DIAPH3: variants seen among roughly 807,000 people sequenced by gnomAD.
DIAPH3 encodes diaphanous related formin 3.
DIAPH3 carries 117 observed loss-of-function variants against 144.3 expected under a neutral mutation model. The observed-to-expected ratio is 0.81, with a 90% CI of 0.70 to 0.95. The LOEUF (loss-of-function observed/expected upper bound fraction) is 0.95. Among genes scored for constraint, DIAPH3 ranks in the 40% least tolerant of loss-of-function variants. The pLI is 0.00. For synonymous variants in DIAPH3, 519 were observed against 488.9 expected (o/e 1.06, Z -0.81); for missense variants, 1,421 against 1,412.7 (o/e 1.01, Z -0.09).
At chr13:59,711,747 G>A (rs147061218) in intron 27 of DIAPH3, among the ~76,000 whole-genome samples, 9 of 152,278 alleles carry the variant, frequency 5.9e-5, no homozygotes, top group African/African-American at 2.2e-4. Context: ...GGGAAAGCCA[G>A]AATTCAGATC....
intron 27 of DIAPH3, among the ~76,000 whole-genome samples, chr13:59,692,181 T>G (rs1365252576): frequency 6.8e-6 from 1 of 147,592 alleles, no homozygotes; most frequent in Non-Finnish European, 1.5e-5. Context: ...GAATACAAAC[T>G]TTTACTCTTG....
intron 17 of DIAPH3, among the ~76,000 whole-genome samples, chr13:59,941,176 G>A (rs971668949): frequency 6.6e-6 from 1 of 151,834 alleles, no homozygotes; most frequent in Non-Finnish European, 1.5e-5. Context: ...TTACTTACAG[G>A]AAAAAAAATT....
chr13:60,115,621 C>A (rs1416318814), intron 2 of DIAPH3, among the ~76,000 whole-genome samples: 2 of 152,042 alleles, frequency 1.3e-5, no homozygotes, highest in South Asian at 4.1e-4. Flanking sequence ...GCAAACGGCA[C>A]CATCTTTAGT....
intron 1 of DIAPH3, among the ~76,000 whole-genome samples, chr13:60,148,241 T>C (rs183101254): frequency 6.6e-6 from 1 of 152,292 alleles, no homozygotes; most frequent in East Asian, 1.9e-4. Flanking sequence ...AAAATAAGGT[T>C]GAATATTTTG....
chr13:59,686,965 G>A (rs561544139), intron 27 of DIAPH3, among the ~76,000 whole-genome samples: 1 of 152,158 alleles, frequency 6.6e-6, no homozygotes, highest in African/African-American at 2.4e-5. Context: ...AGGTGCTAGG[G>A]GTTCATGTAA....
chr13:59,895,085 G>A (rs2046011842), intron 20 of DIAPH3, among the ~76,000 whole-genome samples: 1 of 152,044 alleles, frequency 6.6e-6, no homozygotes. Flanking sequence ...ACTAAGTTTT[G>A]ACTATTTAAT....
At chr13:60,162,047 A>G (rs751918799) in intron 1 of DIAPH3, among the ~76,000 whole-genome samples, 3 of 152,190 alleles carry the variant, frequency 2.0e-5, no homozygotes, top group African/African-American at 7.2e-5. Flanking sequence ...CCAGACTCCC[A>G]CCCAAAAACA....
intron 27 of DIAPH3, among the ~76,000 whole-genome samples, chr13:59,702,269 T>C (rs756517767): frequency 6.6e-6 from 1 of 152,140 alleles, no homozygotes; most frequent in Non-Finnish European, 1.5e-5. Flanking sequence ...GCCTTCTCAT[T>C]ACCTAACTTA....
chr13:59,756,409 AAAGG>A (rs762777029), intron 27 of DIAPH3, among the ~76,000 whole-genome samples: 2,354 of 137,604 alleles, frequency 0.017, 39 homozygotes, highest in African/African-American at 0.036. Flanking sequence ...AATTTAGTAA[AAAGG>A]AAGGAAGGAA....
intron 2 of DIAPH3, among the ~76,000 whole-genome samples, chr13:60,115,162 T>C (rs1414172854): frequency 6.6e-6 from 1 of 152,202 alleles, no homozygotes; most frequent in Non-Finnish European, 1.5e-5. Flanking sequence ...TATAACAAGA[T>C]GAATTGTCTG....
chr13:60,101,267 C>G (rs2058260013), intron 3 of DIAPH3, among the ~76,000 whole-genome samples: 1 of 152,106 alleles, frequency 6.6e-6, no homozygotes, highest in African/African-American at 2.4e-5. Flanking sequence ...TCTATCTCAT[C>G]TCCCTCATTC....
chr13:59,694,657 C>T (rs2033704589), intron 27 of DIAPH3, among the ~76,000 whole-genome samples: 3 of 151,984 alleles, frequency 2.0e-5, no homozygotes, highest in African/African-American at 4.8e-5. Context: ...TCTTAGTGAA[C>T]ATATGACTTT....
At chr13:59,734,216 T>A (rs2036027382) in intron 27 of DIAPH3, among the ~76,000 whole-genome samples, 1 of 152,186 alleles carries the variant, frequency 6.6e-6, no homozygotes, top group Admixed American at 6.5e-5. Flanking sequence ...TAAACTCATG[T>A]TCCCATCAAA....
At chr13:59,733,228 G>C (rs891730484) in intron 27 of DIAPH3, among the ~76,000 whole-genome samples, 4 of 152,090 alleles carry the variant, frequency 2.6e-5, no homozygotes, top group African/African-American at 9.7e-5. Context: ...CTATTAAAAA[G>C]TGTTTAACAG....
At chr13:59,863,882 T>A (rs1349491114) in intron 21 of DIAPH3, among the ~76,000 whole-genome samples, 1 of 152,150 alleles carries the variant, frequency 6.6e-6, no homozygotes, top group Non-Finnish European at 1.5e-5. Context: ...TTAAAACATG[T>A]CCTTGACTAA....
intron 17 of DIAPH3, among the ~76,000 whole-genome samples, chr13:59,946,305 C>A (rs2048793429): frequency 6.6e-6 from 1 of 152,022 alleles, no homozygotes; most frequent in South Asian, 2.1e-4. Context: ...AATATTTGCA[C>A]AACATTTTAC....
chr13:59,770,204 T>C (rs928462117), intron 27 of DIAPH3, among the ~76,000 whole-genome samples: 2 of 152,172 alleles, frequency 1.3e-5, no homozygotes, highest in African/African-American at 4.8e-5. Context: ...TGTTCACAGC[T>C]GGAACTTTAG....
intron 1 of DIAPH3, among the ~76,000 whole-genome samples, chr13:60,133,650 A>T (rs2059197885): frequency 6.6e-6 from 1 of 152,188 alleles, no homozygotes; most frequent in African/African-American, 2.4e-5. Flanking sequence ...GACAAACATA[A>T]GACCATTCTA....
intron 17 of DIAPH3, among the ~76,000 whole-genome samples, chr13:59,931,359 C>A (rs1204516871): frequency 3.3e-5 from 5 of 152,190 alleles, no homozygotes; most frequent in African/African-American, 1.2e-4. Context: ...AGTCTCTCCA[C>A]TACAGTGCAG....
Sources: gnomAD v4.1 joint callset for allele counts (sites outside exome capture counted in the v4.1 genomes callset) on GRCh38, gnomAD v4.1.1 for gene constraint, MANE v1.5 for transcripts, NCBI Gene and HGNC (gene_info 2026-07-23, HGNC 2026-07-21) for gene names.